Variants in ST3GAL2 observed in about 807,000 individuals in gnomAD.
ST3GAL2 encodes the protein CMP-N-acetylneuraminate-beta-galactosamide-alpha-2,3-sialyltransferase 2.
A neutral mutation model predicts 37.5 loss-of-function variants in ST3GAL2; 16 were observed. The ratio of observed to expected loss-of-function variants is 0.43; its 90% CI spans 0.29 to 0.65. ST3GAL2 has a LOEUF of 0.65. Ranked by LOEUF, ST3GAL2 falls within the 30% of genes least tolerant of loss-of-function variation. The pLI is 0.17. For missense variants in ST3GAL2, 383 were observed against 487.8 expected, an observed-to-expected ratio of 0.79 and a Z score of 2.02; for synonymous variants, 238 against 202.9, an observed-to-expected ratio of 1.17 and a Z score of -1.47.
In ST3GAL2 at chr16:70,378,920, C is replaced by T. The variant is rs570810436; in HGVS notation, c.*2769G>A. ...TCCTGAGGCAGAAGAATCGCTTGAA[C>T]CCAGGAGGTGGAGGTTGGGATGAGC... is the stretch of plus-strand genomic sequence containing the variant. On this transcript the variant is annotated 3_prime_UTR_variant, in exon 7 of 7. Coordinates refer to ENST00000342907, the MANE Select transcript of ST3GAL2 (RefSeq NM_006927.4). The T allele has an allele frequency of 6.6e-6, 1 of 152,198 alleles. No homozygotes were observed. The highest frequency in any genetic ancestry group is 6.6e-5 in the Admixed American group (1 of 15,252). 9.4% of individuals were successfully genotyped at this position (152,198 alleles called of 1,614,324 possible).
At chr16:70,412,708 A>G (rs113554202) in intron 1 of ST3GAL2, among the ~76,000 whole-genome samples, 3 of 152,130 alleles carry the variant, frequency 2.0e-5, no homozygotes, top group African/African-American at 7.2e-5. Flanking sequence ...TTTGATGTTC[A>G]TGCTGTTTTT....
At chr16:70,391,166 C>A (rs2047479733) in intron 3 of ST3GAL2, among the ~76,000 whole-genome samples, 1 of 152,166 alleles carries the variant, frequency 6.6e-6, no homozygotes, top group African/African-American at 2.4e-5. Flanking sequence ...CTGGGAAGGA[C>A]CATGGGCTGT....
intron 3 of ST3GAL2, 126 bp downstream of exon 3, chr16:70,394,856 T>C: frequency 9.3e-7 from 1 of 1,078,594 alleles, no homozygotes; most frequent in Non-Finnish European, 1.3e-6. Context: ...TGAAAGACTC[T>C]GGGAGGCAGG....
At chr16:70,436,606 A>G (rs1017662068) in intron 1 of ST3GAL2, among the ~76,000 whole-genome samples, 1 of 151,874 alleles carries the variant, frequency 6.6e-6, no homozygotes, top group Non-Finnish European at 1.5e-5. Flanking sequence ...AAACCATAAA[A>G]CTCTGGAGTC....
intron 3 of ST3GAL2, among the ~76,000 whole-genome samples, chr16:70,394,041 A>T (rs1178445494): frequency 6.6e-6 from 1 of 152,080 alleles, no homozygotes; most frequent in Non-Finnish European, 1.5e-5. Flanking sequence ...GGATGTCAGA[A>T]AACGCAGGCT....
chr16:70,417,031 T>C (rs1016662674), intron 1 of ST3GAL2, among the ~76,000 whole-genome samples: 1 of 152,212 alleles, frequency 6.6e-6, no homozygotes, highest in African/African-American at 2.4e-5. Flanking sequence ...GTAGAAAAAC[T>C]TGGATTCACA....
At chr16:70,409,309 A>G (rs965643605) in intron 1 of ST3GAL2, among the ~76,000 whole-genome samples, 2 of 151,700 alleles carry the variant, frequency 1.3e-5, no homozygotes, top group African/African-American at 4.8e-5. Flanking sequence ...GGGGAAGACC[A>G]GGTCTCTCCA....
intron 1 of ST3GAL2, among the ~76,000 whole-genome samples, chr16:70,406,688 G>A (rs1281583388): frequency 6.6e-6 from 1 of 152,082 alleles, no homozygotes; most frequent in African/African-American, 2.4e-5. Flanking sequence ...GGCTGAGGCA[G>A]GAGACTCGCT....
At chr16:70,432,783 C>A (rs1182411843) in intron 1 of ST3GAL2, among the ~76,000 whole-genome samples, 1 of 152,182 alleles carries the variant, frequency 6.6e-6, no homozygotes, top group African/African-American at 2.4e-5. Context: ...CAGGGCCAGG[C>A]CCTTTAGTTG....
chr16:70,388,608 G>A (rs2047459274), intron 3 of ST3GAL2, 62 bp from the exon 4 acceptor site: 3 of 1,516,928 alleles, frequency 2.0e-6, no homozygotes, highest in Non-Finnish European at 8.8e-7. Context: ...AAGATTCTTA[G>A]AGGACAGTTC....
intron 1 of ST3GAL2, among the ~76,000 whole-genome samples, chr16:70,436,593 A>C (rs1427125513): frequency 6.6e-6 from 1 of 152,130 alleles, no homozygotes; most frequent in Non-Finnish European, 1.5e-5. Context: ...CTCCACCAAG[A>C]TTAAACCATA....
intron 1 of ST3GAL2, among the ~76,000 whole-genome samples, chr16:70,410,053 C>G (rs1450638653): frequency 6.6e-6 from 1 of 151,678 alleles, no homozygotes; most frequent in African/African-American, 2.4e-5. Flanking sequence ...AGATATGAGC[C>G]ACCTTGCTCA....
chr16:70,436,612 G>C (rs2047827346), intron 1 of ST3GAL2, among the ~76,000 whole-genome samples: 1 of 151,688 alleles, frequency 6.6e-6, no homozygotes, highest in Admixed American at 6.6e-5. Flanking sequence ...TAAAACTCTG[G>C]AGTCCCCTCA....
At chr16:70,426,190 T>G (rs535945933) in intron 1 of ST3GAL2, among the ~76,000 whole-genome samples, 103 of 141,846 alleles carry the variant, frequency 7.3e-4, no homozygotes, top group African/African-American at 2.4e-3. Context: ...CCTTTTTTTT[T>G]TTTTTTTTTT....
At position 70,405,540 on chromosome 16, in the gene ST3GAL2, TAAAAAAAAAAAAAA is replaced by T. The variant is rs58998342; in HGVS notation, c.-1003-6021_-1003-6008del. 9.7e-4 allele frequency among the ~76,000 whole-genome samples: 98 copies of T among 101,476 alleles called. 1 individual carries two copies. Among genetic ancestry groups the T allele is most frequent in the African/African-American group, 3.7e-3 (95 of 25,864 alleles). 66.6% of individuals were successfully genotyped at this position (101,476 alleles called of 152,430 possible). On this transcript the variant is annotated intron_variant, in intron 1 of 6. Transcript: ENST00000342907. ...TGGGTGACACAGTGAGACTCCGTCT[TAAAAAAAAAAAAAA>T]AAAAAAAAAAAAGGAAAAAAAGGAA...
chr16:70,384,037 C>A (rs2151656484), intron 4 of ST3GAL2, among the ~76,000 whole-genome samples: 1 of 152,164 alleles, frequency 6.6e-6, no homozygotes, highest in East Asian at 1.9e-4. Flanking sequence ...GCCACGGCCC[C>A]CGTAACCTAC....
chr16:70,402,998 A>C (rs571045122), intron 1 of ST3GAL2, among the ~76,000 whole-genome samples: 1 of 152,256 alleles, frequency 6.6e-6, no homozygotes, highest in Admixed American at 6.5e-5. Flanking sequence ...AATACGATAT[A>C]TACTACTTTG....
chr16:70,382,820 C>A lies in ST3GAL2; in HGVS notation c.864G>T (p.Leu288=), dbSNP rs777690494. The part of the protein sequence containing the change: ...STGMLVLFFA[L]HVCDEVNVYG... ...GCCTACCCACCTCATCACACACATG[C>A]AGGGCAAAGAAAAGCACCAGCATCC... Residue 288 remains leucine, a synonymous_variant, in exon 6 of 7, where the codon CTG becomes CTT. Transcript: ENST00000342907. The A allele has an allele frequency of 6.2e-7, 1 of 1,614,084 alleles. No homozygotes were observed. Among genetic ancestry groups the A allele is most frequent in the Non-Finnish European group, 8.5e-7 (1 of 1,179,972 alleles).
intron 4 of ST3GAL2, among the ~76,000 whole-genome samples, chr16:70,386,496 C>T (rs1217099431): frequency 6.6e-6 from 1 of 151,890 alleles, no homozygotes; most frequent in Non-Finnish European, 1.5e-5. Context: ...TGGCCGGCCA[C>T]ACCCAGCTAA....
Sources: gnomAD v4.1 joint callset for allele counts (sites outside exome capture counted in the v4.1 genomes callset) on GRCh38, gnomAD v4.1.1 for gene constraint, MANE v1.5 for transcripts, NCBI Gene and HGNC (gene_info 2026-07-23, HGNC 2026-07-21) for gene names.